Variants in RALGPS1 observed in about 807,000 individuals in gnomAD.
RALGPS1 encodes Ral GEF with PH domain and SH3 binding motif 1.
In RALGPS1, 19 loss-of-function variants were observed where a neutral mutation model predicts 78.8. The ratio of observed to expected loss-of-function variants is 0.24; its 90% confidence interval spans 0.17 to 0.35. The LOEUF is 0.35. RALGPS1 is among the 10% of genes least tolerant of loss of function. The probability of loss-of-function intolerance (pLI) is 1.00; values close to 1 mark genes in which losing one functional copy is unlikely to be tolerated. For missense variants in RALGPS1, 454 were observed against 688.3 expected (o/e 0.66, Z 3.81); for synonymous variants, 228 against 256.3 (o/e 0.89, Z 1.06).
chr9:126,943,465 T>G (rs1330809171), intron 1 of RALGPS1, among the ~76,000 whole-genome samples: 1 of 152,148 alleles, frequency 6.6e-6, no homozygotes, highest in Non-Finnish European at 1.5e-5. Context: ...TATTTGGTCC[T>G]TTCAGCAGGA....
chr9:127,198,726 A>G (rs899375209), intron 13 of RALGPS1, among the ~76,000 whole-genome samples: 1 of 152,162 alleles, frequency 6.6e-6, no homozygotes, highest in Non-Finnish European at 1.5e-5. Context: ...GGTCAGGCCC[A>G]GAAGAAAGCC....
In RALGPS1 at chr9:127,076,567, T is replaced by G. The variant is rs566213987; in HGVS notation, c.610+7211T>G. On this transcript the variant is annotated intron_variant, in intron 8 of 18. Transcript: ENST00000259351. ...ATTTGCAAATATAAATTCTAAAGTT[T>G]AAAATCAAGACAAATTTTTCCAAAT... 7.7e-4 allele frequency among the ~76,000 whole-genome samples: 117 copies of G among 152,324 alleles called. 1 individual carries two copies. The highest frequency in any genetic ancestry group is 1.5e-4 in the Non-Finnish European group (10 of 68,022).
At chr9:127,103,519 A>G (rs2053932225) in intron 8 of RALGPS1, among the ~76,000 whole-genome samples, 1 of 152,242 alleles carries the variant, frequency 6.6e-6, no homozygotes, top group South Asian at 2.1e-4. Context: ...AAGGAACCCC[A>G]GAGGATATGT....
intron 11 of RALGPS1, chr9:127,184,084 G>A: frequency 6.5e-7 from 1 of 1,534,070 alleles, no homozygotes. Context: ...CCAGCACTTT[G>A]GGAAGCCGAA....
intron 4 of RALGPS1, among the ~76,000 whole-genome samples, chr9:126,994,743 T>C (rs2042583387): frequency 6.6e-6 from 1 of 151,658 alleles, no homozygotes; most frequent in African/African-American, 2.4e-5. Context: ...TTCACCAAAG[T>C]TGAAATGAAG....
chr9:127,068,283 C>A (rs1266526040), intron 7 of RALGPS1, among the ~76,000 whole-genome samples: 1 of 152,132 alleles, frequency 6.6e-6, no homozygotes, highest in Admixed American at 6.5e-5. Context: ...GGTGGCTTGG[C>A]TTTGTATACA....
intron 8 of RALGPS1, among the ~76,000 whole-genome samples, chr9:127,138,796 T>C (rs1198343876): frequency 6.6e-6 from 1 of 152,146 alleles, no homozygotes; most frequent in Non-Finnish European, 1.5e-5. Context: ...AGCTCATTAA[T>C]GCAGGAAAAG....
intron 7 of RALGPS1, among the ~76,000 whole-genome samples, chr9:127,060,854 A>G (rs1308155993): frequency 1.3e-5 from 2 of 152,194 alleles, no homozygotes; most frequent in African/African-American, 2.4e-5. Context: ...CTCAGATACA[A>G]CCATTCCGAC....
chr9:127,083,902 CTTGT>C (rs779587923), intron 8 of RALGPS1, among the ~76,000 whole-genome samples: 4 of 152,066 alleles, frequency 2.6e-5, no homozygotes, highest in South Asian at 4.2e-4. Flanking sequence ...AGATGGTCAG[CTTGT>C]TTGTTTGTTT....
chr9:126,952,239 C>G (rs2037892180), intron 1 of RALGPS1, among the ~76,000 whole-genome samples: 2 of 152,152 alleles, frequency 1.3e-5, no homozygotes, highest in African/African-American at 4.8e-5. Context: ...AGGCCTAGCC[C>G]CACATGGCAT....
intron 10 of RALGPS1, among the ~76,000 whole-genome samples, chr9:127,172,984 G>T (rs1379417291): frequency 1.3e-5 from 2 of 152,110 alleles, no homozygotes; most frequent in Admixed American, 6.5e-5. Context: ...GGTGTGATCC[G>T]AGGGTGGGAG....
intron 8 of RALGPS1, among the ~76,000 whole-genome samples, chr9:127,150,478 C>T (rs1470027858): frequency 2.0e-5 from 3 of 152,216 alleles, no homozygotes; most frequent in Non-Finnish European, 4.4e-5. Flanking sequence ...TACTGGTATC[C>T]CTAGGCTACT....
intron 7 of RALGPS1, among the ~76,000 whole-genome samples, chr9:127,066,835 C>T (rs559020581): frequency 6.6e-6 from 1 of 152,192 alleles, no homozygotes; most frequent in Non-Finnish European, 1.5e-5. Flanking sequence ...ATTTTACAGA[C>T]AGGGTCTTGC....
intron 14 of RALGPS1, among the ~76,000 whole-genome samples, chr9:127,210,236 G>A (rs1187247953): frequency 6.6e-6 from 1 of 152,218 alleles, no homozygotes; most frequent in Non-Finnish European, 1.5e-5. Flanking sequence ...CCAGTCGAGA[G>A]CAAACAGAAG....
chr9:127,094,163 A>T (rs1416369858), intron 8 of RALGPS1, among the ~76,000 whole-genome samples: 1 of 152,114 alleles, frequency 6.6e-6, no homozygotes, highest in Non-Finnish European at 1.5e-5. Context: ...CACCCGCCTC[A>T]CAGTTTGACT....
chr9:127,049,551 G>C (rs2048117577), intron 5 of RALGPS1, among the ~76,000 whole-genome samples: 1 of 152,190 alleles, frequency 6.6e-6, no homozygotes, highest in Non-Finnish European at 1.5e-5. Context: ...TGTTAAAATT[G>C]TGCAAATATT....
chr9:127,008,140 C>CAA (rs5900742), intron 4 of RALGPS1, among the ~76,000 whole-genome samples: 1 of 124,388 alleles, frequency 8.0e-6, no homozygotes, highest in South Asian at 2.5e-4. Context: ...GGAGACTGGT[C>CAA]AAAAAAAAAA....
intron 4 of RALGPS1, among the ~76,000 whole-genome samples, chr9:127,022,414 T>C (rs1370008334): frequency 6.6e-6 from 1 of 151,686 alleles, no homozygotes; most frequent in Non-Finnish European, 1.5e-5. Flanking sequence ...TCTGCCGTGC[T>C]CTCCCTCATG....
chr9:127,196,748 A>C lies in RALGPS1; in HGVS notation c.1195+117A>C, dbSNP rs909879567. 8.7e-6 allele frequency: 11 copies of C among 1,270,360 alleles called. No homozygotes were observed. In the African/African-American group the frequency reaches 1.7e-4, roughly 19 times the overall value. 78.7% of individuals were successfully genotyped at this position (1,270,360 alleles called of 1,614,324 possible). A position where few individuals can be genotyped will look rare whatever the true frequency, so the allele number is the denominator to read the frequency against. ...GTGGCGCTATCATTCTTGGGGACCC[A>C]GTGGCCCCTCACCTCCCTGCAGAGG... On this transcript the variant is annotated intron_variant, in intron 13 of 18. Transcript: ENST00000259351.
Sources: gnomAD v4.1 joint callset for allele counts (sites outside exome capture counted in the v4.1 genomes callset) on GRCh38, gnomAD v4.1.1 for gene constraint, MANE v1.5 for transcripts, NCBI Gene and HGNC (gene_info 2026-07-23, HGNC 2026-07-21) for gene names.